GSE1: variants seen among roughly 807,000 people sequenced by gnomAD.
The protein encoded by GSE1 is Gse1 coiled-coil protein.
In GSE1, 32 loss-of-function variants were observed where a neutral mutation model predicts 112.6. The observed-to-expected ratio is 0.28, with a 90% CI of 0.21 to 0.38. GSE1 has a LOEUF of 0.38. Among genes scored for constraint, GSE1 ranks in the 10% least tolerant of loss-of-function variants. The pLI, the probability that GSE1 is intolerant of heterozygous loss-of-function variation, is 1.00. For missense variants in GSE1, 2,348 were observed against 1,699.2 expected (o/e 1.38, Z -6.71); for synonymous variants, 1,115 against 735.6 (o/e 1.52, Z -8.35).
chr16:85,627,288 C>G (rs1461086706), intron 1 of GSE1, among the ~76,000 whole-genome samples: 1 of 151,560 alleles, frequency 6.6e-6, no homozygotes, highest in Non-Finnish European at 1.5e-5. Context: ...TTCTCCGTTT[C>G]CTGCCCTCTG....
intron 1 of GSE1, among the ~76,000 whole-genome samples, chr16:85,250,114 C>T (rs1460836128): frequency 6.6e-6 from 1 of 152,366 alleles, no homozygotes; most frequent in African/African-American, 2.4e-5. Context: ...CTGCTCGGTT[C>T]TCTCCTAGTT....
intron 2 of GSE1, among the ~76,000 whole-genome samples, chr16:85,409,572 C>G (rs1227508187): frequency 1.3e-4 from 1 of 7,610 alleles, no homozygotes; most frequent in African/African-American, 1.5e-4. Context: ...TACCCTCAGG[C>G]CCCCCTGGAT....
upstream of GSE1, among the ~76,000 whole-genome samples, chr16:85,552,381 G>T (rs1186410925): frequency 1.8e-5 from 2 of 111,674 alleles, 1 homozygote; most frequent in Non-Finnish European, 4.0e-5. Flanking sequence ...GCCCAGGCTG[G>T]AGTGAAGTGG....
chr16:85,465,550 C>T (rs1321097795), intron 2 of GSE1, among the ~76,000 whole-genome samples: 2 of 152,196 alleles, frequency 1.3e-5, no homozygotes, highest in Non-Finnish European at 2.9e-5. Flanking sequence ...TAAATGTCAG[C>T]TGCTATTTTT....
intron 2 of GSE1, among the ~76,000 whole-genome samples, chr16:85,450,637 G>C (rs1027510443): frequency 6.6e-6 from 1 of 151,252 alleles, no homozygotes; most frequent in Non-Finnish European, 1.5e-5. Context: ...TTTTAGTAGA[G>C]ATGGGGTTTC....
chr16:85,601,564 T>C (rs73271222), intron 1 of GSE1, among the ~76,000 whole-genome samples: 6,372 of 152,224 alleles, frequency 0.042, 443 homozygotes, highest in African/African-American at 0.14. Context: ...ACGCTCACCT[T>C]CAGCGCGGGG....
At chr16:85,284,418 G>T (rs1222130126) in intron 1 of GSE1, among the ~76,000 whole-genome samples, 2 of 152,194 alleles carry the variant, frequency 1.3e-5, no homozygotes, top group Non-Finnish European at 2.9e-5. Context: ...GAGGTGCCAG[G>T]TGAGACCTGC....
At chr16:85,435,765 G>A (rs1005693920) in intron 2 of GSE1, among the ~76,000 whole-genome samples, 1 of 152,024 alleles carries the variant, frequency 6.6e-6, no homozygotes, top group Non-Finnish European at 1.5e-5. Context: ...CCCTGCCTGT[G>A]TGTACCTCAA....
chr16:85,297,874 T>C (rs1469150447), intron 1 of GSE1, among the ~76,000 whole-genome samples: 1 of 152,204 alleles, frequency 6.6e-6, no homozygotes, highest in African/African-American at 2.4e-5. Context: ...ATCTCCATCG[T>C]GGCCTGCAGA....
chr16:85,312,209 G>GGGGA (rs1555559892), intron 1 of GSE1, among the ~76,000 whole-genome samples: 6 of 150,360 alleles, frequency 4.0e-5, no homozygotes, highest in Admixed American at 1.3e-4. Flanking sequence ...TCTTGCGGGG[G>GGGGA]GGGGGGGGAC....
At chr16:85,436,207 C>A (rs1281462229) in intron 2 of GSE1, among the ~76,000 whole-genome samples, 4 of 152,226 alleles carry the variant, frequency 2.6e-5, no homozygotes, top group South Asian at 2.1e-4. Context: ...CACCCCTAAA[C>A]TCCTCTCCTC....
intron 1 of GSE1, among the ~76,000 whole-genome samples, chr16:85,292,808 A>G (rs1385442275): frequency 6.6e-6 from 1 of 152,188 alleles, no homozygotes; most frequent in African/African-American, 2.4e-5. Flanking sequence ...TCACACATTC[A>G]CGACAGTGCA....
chr16:85,187,191 G>C (rs79122730), intron 1 of GSE1, among the ~76,000 whole-genome samples: 23 of 152,340 alleles, frequency 1.5e-4, no homozygotes, highest in Non-Finnish European at 2.9e-4. Flanking sequence ...TGGAGCTTGG[G>C]GCCTAGGAGG....
intron 1 of GSE1, among the ~76,000 whole-genome samples, chr16:85,246,404 T>TAC (rs111501333): frequency 3.6e-5 from 2 of 55,302 alleles, no homozygotes; most frequent in Non-Finnish European, 6.7e-5. Context: ...ACACGCTGTC[T>TAC]ACACACACAC....
At chr16:85,312,171 T>C (rs2151483550) in intron 1 of GSE1, among the ~76,000 whole-genome samples, 1 of 132,362 alleles carries the variant, frequency 7.6e-6, no homozygotes, top group East Asian at 2.2e-4. Flanking sequence ...CAGAGAACAT[T>C]GCAATCCCTC....
At chr16:85,202,438 A>G (rs548236191) in intron 1 of GSE1, among the ~76,000 whole-genome samples, 1 of 152,308 alleles carries the variant, frequency 6.6e-6, no homozygotes, top group East Asian at 1.9e-4. Flanking sequence ...TGGGGCCCAC[A>G]GGACATTTTT....
At chr16:85,523,381 G>A (rs1291993986) in intron 2 of GSE1, among the ~76,000 whole-genome samples, 3 of 152,226 alleles carry the variant, frequency 2.0e-5, no homozygotes, top group African/African-American at 7.2e-5. Flanking sequence ...TCCCACTTTC[G>A]TTAAACCCCA....
At chr16:85,529,799 G>A (rs1025121733) in intron 2 of GSE1, among the ~76,000 whole-genome samples, 4 of 152,230 alleles carry the variant, frequency 2.6e-5, no homozygotes, top group Admixed American at 1.3e-4. Flanking sequence ...TTGCCAGAAA[G>A]GCTGTCTTCC....
chr16:85,624,386 T>G (rs1311536442), intron 1 of GSE1, among the ~76,000 whole-genome samples: 1 of 152,148 alleles, frequency 6.6e-6, no homozygotes, highest in East Asian at 1.9e-4. Context: ...CTAGCACAGG[T>G]GCCCTCTGGC....
Sources: allele counts gnomAD v4.1 joint callset (sites outside exome capture counted in the v4.1 genomes callset), GRCh38; gene constraint gnomAD v4.1.1; transcripts MANE v1.5; gene names NCBI Gene and HGNC (gene_info 2026-07-23, HGNC 2026-07-21).